The following VPS13B variants were observed in gnomAD, a reference collection of about 807,000 sequenced individuals.
The protein encoded by VPS13B is vacuolar protein sorting 13 homolog B, also known as intermembrane lipid transfer protein VPS13B.
A neutral mutation model predicts 426.4 loss-of-function variants in VPS13B; 285 were observed. The ratio of observed to expected loss-of-function variants is 0.67; its 90% CI spans 0.61 to 0.74. The LOEUF (loss-of-function observed/expected upper bound fraction) is 0.74. Among genes scored for constraint, VPS13B ranks in the 30% least tolerant of loss-of-function variants. The probability of loss-of-function intolerance (pLI) is 0.00; values close to 1 mark genes in which losing one functional copy is unlikely to be tolerated. For missense variants in VPS13B, 4,537 were observed against 4,782.6 expected (o/e 0.95, Z 1.51); for synonymous variants, 1,676 against 1,676.4 (o/e 1.00, Z 0.01).
chr8:99,521,500 C>G (rs1822377298), intron 30 of VPS13B, among the ~76,000 whole-genome samples: 1 of 152,204 alleles, frequency 6.6e-6, no homozygotes. Context: ...TGTGAAAATG[C>G]TATGCTCTGG....
chr8:99,627,660 AG>A (rs1828672365), intron 33 of VPS13B, among the ~76,000 whole-genome samples: 2 of 152,212 alleles, frequency 1.3e-5, no homozygotes, highest in South Asian at 4.1e-4. Flanking sequence ...CTGGGATTAC[AG>A]GTGTGAGCCA....
intron 39 of VPS13B, among the ~76,000 whole-genome samples, chr8:99,747,823 A>G (rs1383457373): frequency 1.3e-5 from 2 of 151,952 alleles, no homozygotes; most frequent in African/African-American, 4.8e-5. Flanking sequence ...TAACTTTTCA[A>G]AGGGTATCTT....
At chr8:99,180,927 G>A (rs1588119001) in intron 16 of VPS13B, among the ~76,000 whole-genome samples, 1 of 152,120 alleles carries the variant, frequency 6.6e-6, no homozygotes, top group Non-Finnish European at 1.5e-5. Context: ...ATAATATTCA[G>A]AATGTTAAGG....
rs370172252 is a variant in VPS13B, at chr8:99,859,445, G to A, written c.11009G>A (p.Arg3670Lys). Residue 3670 changes from arginine to lysine, a missense_variant, in exon 57 of 62, where the codon AGA (arginine) becomes AAA (lysine). Transcript: ENST00000357162. ...GPGAFVSGVS[R>K]GTTSFVKHIS... Reference sequence around the variant, plus strand: ...GGAGCCTTCGTGAGTGGCGTCTCCAGAGGGACCACATCGTTTGTAAAGCAC... The same window carrying A: ...GGAGCCTTCGTGAGTGGCGTCTCCAAAGGGACCACATCGTTTGTAAAGCAC... 55 of 1,613,980 alleles carry A rather than the reference G, an allele frequency of 3.4e-5. No homozygotes were observed. The highest frequency in any genetic ancestry group is 4.4e-5 in the Non-Finnish European group (52 of 1,180,036).
chr8:99,653,273 C>G (rs16897548), intron 34 of VPS13B, among the ~76,000 whole-genome samples: 1 of 152,034 alleles, frequency 6.6e-6, no homozygotes, highest in African/African-American at 2.4e-5. Context: ...TTTTTAGACA[C>G]GAGGAAAAGA....
chr8:99,197,518 T>C (rs1056454145), intron 17 of VPS13B, among the ~76,000 whole-genome samples: 1 of 152,212 alleles, frequency 6.6e-6, no homozygotes, highest in African/African-American at 2.4e-5. Context: ...CATGATTGAG[T>C]CTTGATAGGT....
At chr8:99,493,675 G>T (rs796497931) in intron 25 of VPS13B, among the ~76,000 whole-genome samples, 3 of 151,620 alleles carry the variant, frequency 2.0e-5, no homozygotes, top group African/African-American at 7.3e-5. Context: ...ATCCCGATTC[G>T]GGAGGCTGCA....
At chr8:99,175,248 T>C (rs1812566603) in intron 16 of VPS13B, among the ~76,000 whole-genome samples, 1 of 152,254 alleles carries the variant, frequency 6.6e-6, no homozygotes, top group South Asian at 2.1e-4. Flanking sequence ...TCAAGTATTT[T>C]AACATGTACA....
chr8:99,400,510 A>G (rs931398756), intron 21 of VPS13B, among the ~76,000 whole-genome samples: 25 of 152,228 alleles, frequency 1.6e-4, no homozygotes, highest in Non-Finnish European at 2.8e-4. Flanking sequence ...CATCCATAGT[A>G]GTTATTGATT....
At chr8:99,873,405 A>G (rs1207529833) in intron 61 of VPS13B, 1 of 152,158 alleles carries the variant, frequency 6.6e-6, no homozygotes. Flanking sequence ...GCAACACTGA[A>G]GCTCTAGATA....
intron 44 of VPS13B, among the ~76,000 whole-genome samples, chr8:99,809,875 TG>T: frequency 6.6e-6 from 1 of 152,280 alleles, no homozygotes; most frequent in Non-Finnish European, 1.5e-5. Context: ...CAAAGAGTAG[TG>T]GGAACCCTGG....
intron 19 of VPS13B, among the ~76,000 whole-genome samples, chr8:99,281,636 G>T (rs1422864153): frequency 5.3e-5 from 8 of 152,328 alleles, no homozygotes; most frequent in African/African-American, 1.9e-4. Flanking sequence ...GTTGATACTG[G>T]TGTTGCTCCC....
intron 3 of VPS13B, among the ~76,000 whole-genome samples, chr8:99,081,074 G>A (rs1013293051): frequency 1.3e-5 from 2 of 152,186 alleles, no homozygotes; most frequent in African/African-American, 4.8e-5. Context: ...ATAACTTCAT[G>A]TTAAATTCTA....
chr8:99,442,854 A>T (rs182870405), intron 23 of VPS13B, among the ~76,000 whole-genome samples: 1 of 152,266 alleles, frequency 6.6e-6, no homozygotes, highest in East Asian at 1.9e-4. Context: ...GATCATATGC[A>T]ATATAATATA....
intron 17 of VPS13B, 149 bp from the exon 18 acceptor site, chr8:99,274,049 A>G (rs950926805): frequency 1.5e-5 from 17 of 1,129,812 alleles, no homozygotes; most frequent in African/African-American, 6.3e-5. Context: ...TTCACCTCTG[A>G]AATACTAAAC....
At chr8:99,753,004 C>A (rs1001619156) in intron 39 of VPS13B, among the ~76,000 whole-genome samples, 2 of 152,068 alleles carry the variant, frequency 1.3e-5, no homozygotes, top group Non-Finnish European at 1.5e-5. Flanking sequence ...CCAGGAGTCC[C>A]GGCTTTGCAA....
intron 19 of VPS13B, among the ~76,000 whole-genome samples, chr8:99,301,830 T>A (rs1934091991): frequency 6.6e-6 from 1 of 152,136 alleles, no homozygotes; most frequent in Non-Finnish European, 1.5e-5. Context: ...TCTCATTATG[T>A]TGCCCAACCT....
In VPS13B at chr8:99,740,254, G is replaced by C. The variant is rs559389229; in HGVS notation, c.7050+19207G>C. ...GAAGATCAAATGAATGAAATGAAGT[G>C]AGAAGAGAAGTTTAGAGAAAAAAGA... is the stretch of plus-strand genomic sequence containing the variant. On this transcript the variant is annotated intron_variant, in intron 39 of 61. Coordinates refer to ENST00000357162, the MANE Select transcript of VPS13B (RefSeq NM_152564.5). Among the ~76,000 whole-genome samples, 17 of 152,278 alleles carry C rather than the reference G, an allele frequency of 1.1e-4. No individual in the cohort carries two copies. In the South Asian group the frequency reaches 3.5e-3, roughly 32 times the overall value.
intron 39 of VPS13B, among the ~76,000 whole-genome samples, chr8:99,746,068 T>C (rs1810071076): frequency 1.3e-5 from 2 of 152,210 alleles, no homozygotes; most frequent in East Asian, 1.9e-4. Context: ...CGTTTACTTA[T>C]TGAAGAAATT....
Sources: gnomAD v4.1 joint callset for allele counts (sites outside exome capture counted in the v4.1 genomes callset) on GRCh38, gnomAD v4.1.1 for gene constraint, MANE v1.5 for transcripts, NCBI Gene and HGNC (gene_info 2026-07-23, HGNC 2026-07-21) for gene names.